HHIP: variants seen among roughly 807,000 people sequenced by gnomAD.
HHIP encodes hedgehog interacting protein, also known as hedgehog-interacting protein.
Under a neutral mutation model 74.0 loss-of-function variants are expected in HHIP, and 12 were observed. The ratio of observed to expected loss-of-function variants is 0.16; its 90% CI spans 0.10 to 0.26. The LOEUF (loss-of-function observed/expected upper bound fraction) is 0.26. Ranked by LOEUF, HHIP falls within the 10% of genes least tolerant of loss-of-function variation. HHIP has a pLI of 1.00. For missense variants in HHIP, 788 were observed against 845.0 expected, an observed-to-expected ratio of 0.93 and a Z score of 0.84; for synonymous variants, 309 against 311.6, an observed-to-expected ratio of 0.99 and a Z score of 0.09.
At chr4:144,707,583 C>T (rs956924605) in intron 6 of HHIP, among the ~76,000 whole-genome samples, 5 of 128,616 alleles carry the variant, frequency 3.9e-5, no homozygotes, top group Non-Finnish European at 7.8e-5. Context: ...CACCGCCCAG[C>T]GAACCTTCCT....
At chr4:144,714,795 T>C (rs1372888369) in intron 9 of HHIP, among the ~76,000 whole-genome samples, 1 of 152,202 alleles carries the variant, frequency 6.6e-6, no homozygotes, top group African/African-American at 2.4e-5. Context: ...GTAGGAATAA[T>C]ACAAAATTAA....
intron 10 of HHIP, among the ~76,000 whole-genome samples, chr4:144,716,238 C>T (rs1394874687): frequency 1.3e-5 from 2 of 152,120 alleles, no homozygotes; most frequent in African/African-American, 4.8e-5. Context: ...AGAATATTTT[C>T]TCTAAAACTT....
chr4:144,700,861 T>C (rs915611902), intron 4 of HHIP, among the ~76,000 whole-genome samples: 3 of 152,198 alleles, frequency 2.0e-5, no homozygotes, highest in Non-Finnish European at 1.5e-5. Flanking sequence ...ATAGCAGCAA[T>C]AGAAAATGAA....
At chr4:144,653,316 G>T (rs1728473881) in intron 2 of HHIP, among the ~76,000 whole-genome samples, 1 of 152,136 alleles carries the variant, frequency 6.6e-6, no homozygotes, top group South Asian at 2.1e-4. Flanking sequence ...CTGTAAGCTA[G>T]GTAGGAAGAG....
In HHIP at chr4:144,737,744, T is replaced by G. The variant is rs200171059; in HGVS notation, c.1910-20T>G. The G allele has an allele frequency of 6.3e-6, 10 of 1,578,092 alleles. No homozygotes were observed. In the East Asian group the frequency reaches 2.0e-4, roughly 32 times the overall value. On this transcript the variant is annotated intron_variant, in intron 12 of 12. Transcript: ENST00000296575. ...CATACAGAATGAGAGTGTGATGTTC[T>G]TGCTCTTTTTCTCTCCCAGCAAAAT...
rs984818142 is a variant in HHIP, at chr4:144,744,340, T to A, written c.*6383T>A. ...TTTGTCCAGTATTAAGGAATGGTTA[T>A]CTTTATCATTCTTCTAACATGTTTT... is the stretch of plus-strand genomic sequence containing the variant. On this transcript the variant is annotated 3_prime_UTR_variant, in exon 13 of 13. Coordinates refer to ENST00000296575, the MANE Select transcript of HHIP (RefSeq NM_022475.3). The A allele has an allele frequency of 6.6e-6, 1 of 152,250 alleles. No homozygotes were observed. Among genetic ancestry groups the A allele is most frequent in the Non-Finnish European group, 1.5e-5 (1 of 68,044 alleles). The allele number at this position is 152,250 out of a possible 1,614,324, so 9.4% of individuals were successfully genotyped here. A position where few individuals can be genotyped will look rare whatever the true frequency, so the allele number is the denominator to read the frequency against.
intron 11 of HHIP, among the ~76,000 whole-genome samples, chr4:144,721,596 A>G (rs1730635602): frequency 6.0e-5 from 2 of 33,446 alleles, no homozygotes; most frequent in Admixed American, 4.7e-4. Flanking sequence ...TATTTAAGGA[A>G]AAAAAAAAAA....
intron 12 of HHIP, 89 bp from the exon 13 acceptor site, chr4:144,737,675 A>G: frequency 8.6e-7 from 1 of 1,159,628 alleles, no homozygotes; most frequent in South Asian, 2.3e-5. Flanking sequence ...CGCTTCCCTT[A>G]TTCAGCAAAT....
intron 4 of HHIP, among the ~76,000 whole-genome samples, chr4:144,674,127 G>A (rs1333222373): frequency 6.6e-6 from 1 of 152,130 alleles, no homozygotes; most frequent in East Asian, 1.9e-4. Flanking sequence ...TTTTCATTGT[G>A]GGTGTTCCTT....
chr4:144,679,080 C>T lies in HHIP; in HGVS notation c.831+19242C>T, dbSNP rs114683377. ...TTTTAATGATCTCTTTTCTAACTGG[C>T]GTGAGATGATATCTCATTGTAGTTT... On this transcript the variant is annotated intron_variant, in intron 4 of 12. Transcript: ENST00000296575. 3.5e-3 allele frequency among the ~76,000 whole-genome samples: 531 copies of T among 152,160 alleles called. 2 individuals are homozygous for T. Among genetic ancestry groups the T allele is most frequent in the Non-Finnish European group, 5.7e-3 (390 of 67,978 alleles).
intron 12 of HHIP, among the ~76,000 whole-genome samples, chr4:144,736,815 T>C (rs1004600198): frequency 6.6e-6 from 1 of 152,200 alleles, no homozygotes; most frequent in Non-Finnish European, 1.5e-5. Flanking sequence ...ACTCACATTG[T>C]TTACTCATCT....
chr4:144,718,392 A>G (rs1198923931), intron 10 of HHIP, among the ~76,000 whole-genome samples: 1 of 152,236 alleles, frequency 6.6e-6, no homozygotes, highest in Non-Finnish European at 1.5e-5. Flanking sequence ...AGGCTAGAGA[A>G]GAGTGAACAA....
In HHIP at chr4:144,681,421, C is replaced by CT. The variant is rs139951678; in HGVS notation, c.831+21605dup. 9.6e-3 allele frequency among the ~76,000 whole-genome samples: 976 copies of CT among 101,388 alleles called. 10 individuals carry two copies. The highest frequency in any genetic ancestry group is 0.036 in the East Asian group (126 of 3,456). 66.5% of individuals were successfully genotyped at this position (101,388 alleles called of 152,430 possible). On this transcript the variant is annotated intron_variant, in intron 4 of 12. Transcript: ENST00000296575. Reference sequence around the variant, plus strand: ...CAAAAGTCTATCGGATTGCAGAGTTCTTTTTTTTTTTTTTTTTTTTTTGAG... The same window carrying CT: ...CAAAAGTCTATCGGATTGCAGAGTTCTTTTTTTTTTTTTTTTTTTTTTTGAG...
chr4:144,651,277 C>A (rs1728421521), intron 1 of HHIP, among the ~76,000 whole-genome samples: 1 of 151,952 alleles, frequency 6.6e-6, no homozygotes, highest in South Asian at 2.1e-4. Flanking sequence ...TTAATAATAA[C>A]CTTTCTTTAT....
chr4:144,728,378 A>C (rs1456033741), intron 11 of HHIP, among the ~76,000 whole-genome samples: 5 of 152,200 alleles, frequency 3.3e-5, no homozygotes, highest in Admixed American at 2.6e-4. Flanking sequence ...ACTTGTTTTC[A>C]GCACATTTCA....
At position 144,738,276 on chromosome 4, in the gene HHIP, G is replaced by C. The variant is rs1250780419; in HGVS notation, c.*319G>C. 1.0e-6 allele frequency: 1 copy of C among 984,018 alleles called. No individual in the cohort carries two copies. The highest frequency in any genetic ancestry group is 1.2e-6 in the Non-Finnish European group (1 of 826,276). The allele number at this position is 984,018 out of a possible 1,614,324, so 61.0% of individuals were successfully genotyped here. On this transcript the variant is annotated 3_prime_UTR_variant, in exon 13 of 13. Transcript: ENST00000296575. ...TAATGGATTTTTTATGTTACTAGAA[G>C]AGATTATTTGACTTCCCAGGAATTT...
intron 4 of HHIP, among the ~76,000 whole-genome samples, chr4:144,687,557 G>C (rs1729525133): frequency 6.6e-6 from 1 of 152,048 alleles, no homozygotes; most frequent in Admixed American, 6.6e-5. Flanking sequence ...AGTGTAGTGA[G>C]CCTTATGTGG....
intron 1 of HHIP, 39 bp downstream of exon 1, chr4:144,646,993 A>C (rs764679413): frequency 1.9e-6 from 3 of 1,540,688 alleles, no homozygotes; most frequent in Non-Finnish European, 1.8e-6. Context: ...TACTTGGCAT[A>C]TTGGCTGGGT....
chr4:144,649,883 T>G (rs145594142), intron 1 of HHIP, among the ~76,000 whole-genome samples: 1 of 152,172 alleles, frequency 6.6e-6, no homozygotes, highest in Non-Finnish European at 1.5e-5. Flanking sequence ...CAATGATCTA[T>G]TTACATATTA....
Sources: allele counts gnomAD v4.1 joint callset (sites outside exome capture counted in the v4.1 genomes callset), GRCh38; gene constraint gnomAD v4.1.1; transcripts MANE v1.5; gene names NCBI Gene and HGNC (gene_info 2026-07-23, HGNC 2026-07-21).